The following KIAA0753 variants were observed in gnomAD, a reference collection of about 807,000 sequenced individuals.
KIAA0753 encodes the protein protein moonraker.
KIAA0753 carries 114 observed loss-of-function variants against 116.9 expected under a neutral mutation model. The observed-to-expected ratio is 0.98, with a 90% CI of 0.84 to 1.14. KIAA0753 has a LOEUF of 1.14. Ranked by LOEUF, KIAA0753 falls within the 50% of genes most tolerant of loss-of-function variation. The pLI is 0.00. For missense variants in KIAA0753, 1,156 were observed against 1,172.4 expected, an observed-to-expected ratio of 0.99 and a Z score of 0.20; for synonymous variants, 405 against 413.1, an observed-to-expected ratio of 0.98 and a Z score of 0.24.
chr17:6,586,323 C>G (rs549448507), intron 18 of KIAA0753, among the ~76,000 whole-genome samples: 39 of 152,292 alleles, frequency 2.6e-4, no homozygotes, highest in African/African-American at 9.1e-4. Context: ...GTATTTATAG[C>G]AATGCAAGAA....
chr17:6,604,408 C>T (rs561303467), intron 12 of KIAA0753, among the ~76,000 whole-genome samples: 37 of 152,042 alleles, frequency 2.4e-4, no homozygotes, highest in African/African-American at 8.7e-4. Flanking sequence ...TGAAGAGGTA[C>T]ATGGTTAAAC....
chr17:6,604,673 G>A (rs962796905), intron 12 of KIAA0753, among the ~76,000 whole-genome samples: 19 of 151,864 alleles, frequency 1.3e-4, no homozygotes, highest in Admixed American at 2.0e-4. Flanking sequence ...AGTGGGTGTG[G>A]CAACATGAGG....
intron 10 of KIAA0753, among the ~76,000 whole-genome samples, chr17:6,608,100 G>C (rs79405981): frequency 0.096 from 14,653 of 152,124 alleles, 1,500 homozygotes; most frequent in African/African-American, 0.26. Flanking sequence ...AAACTAGCAA[G>C]TGATATATAA....
At chr17:6,601,532 C>T (rs186989536) in intron 12 of KIAA0753, among the ~76,000 whole-genome samples, 1 of 152,276 alleles carries the variant, frequency 6.6e-6, no homozygotes, top group African/African-American at 2.4e-5. Flanking sequence ...GACCTAAAGA[C>T]CAACATAAGT....
rs1567585702 is a variant in KIAA0753, at chr17:6,628,257, G to A, written c.578C>T (p.Thr193Ile). The A allele has an allele frequency of 1.9e-6, 3 of 1,614,176 alleles. No homozygotes were observed. The highest frequency in any genetic ancestry group is 1.7e-6 in the Non-Finnish European group (2 of 1,180,036). ...ATGAGGCTGAAGTCCCGGATCATGGGTGGGTGGCGAATTTGGCACAGTAAG... is the reference window on the plus strand; with the variant it reads ...ATGAGGCTGAAGTCCCGGATCATGGATGGGTGGCGAATTTGGCACAGTAAG... ...SDLTVPNSPP[T>I]HDPGLQPHPR... The change falls in exon 3 of 19, where the codon ACC becomes ATC. Residue 193 changes from threonine to isoleucine, a missense_variant. Transcript: ENST00000361413.
At chr17:6,631,091 GAAAT>G (rs1244765767) in intron 2 of KIAA0753, among the ~76,000 whole-genome samples, 2 of 151,816 alleles carry the variant, frequency 1.3e-5, no homozygotes, top group Non-Finnish European at 2.9e-5. Context: ...CAGGAAGAAA[GAAAT>G]GAATGAATGA....
At chr17:6,616,583 G>A (rs879701758) in intron 7 of KIAA0753, among the ~76,000 whole-genome samples, 2 of 152,194 alleles carry the variant, frequency 1.3e-5, no homozygotes, top group Non-Finnish European at 2.9e-5. Context: ...CCAGCACTTT[G>A]GGAGGCCAAG....
At chr17:6,583,688 T>C (rs1468141334) in intron 18 of KIAA0753, among the ~76,000 whole-genome samples, 3 of 152,220 alleles carry the variant, frequency 2.0e-5, no homozygotes, top group Admixed American at 2.0e-4. Context: ...CATTCTAGAA[T>C]GTCCATTTGG....
chr17:6,592,420 T>C (rs943210125), intron 16 of KIAA0753, among the ~76,000 whole-genome samples: 1 of 152,202 alleles, frequency 6.6e-6, no homozygotes, highest in Non-Finnish European at 1.5e-5. Context: ...AACCACACTT[T>C]ACTCTCCTTT....
At chr17:6,609,346 C>G (rs188036302) in intron 9 of KIAA0753, among the ~76,000 whole-genome samples, 4 of 152,346 alleles carry the variant, frequency 2.6e-5, no homozygotes, top group Admixed American at 2.6e-4. Context: ...CAAACGAGCT[C>G]CCCTTTATCT....
At chr17:6,597,161 G>A (rs1159397375) in intron 14 of KIAA0753, among the ~76,000 whole-genome samples, 2 of 152,120 alleles carry the variant, frequency 1.3e-5, no homozygotes, top group African/African-American at 4.8e-5. Flanking sequence ...GAGACACTTA[G>A]CATAGTGCTC....
At chr17:6,610,510 C>CT (rs1567562661) in intron 8 of KIAA0753, among the ~76,000 whole-genome samples, 1 of 122,462 alleles carries the variant, frequency 8.2e-6, no homozygotes, top group Non-Finnish European at 1.7e-5. Context: ...TTTTTCTTTT[C>CT]TTTCTCTTTT....
intron 2 of KIAA0753, among the ~76,000 whole-genome samples, 154 bp from the exon 3 acceptor site, chr17:6,628,895 A>G (rs1971854542): frequency 6.6e-6 from 1 of 152,200 alleles, no homozygotes; most frequent in Non-Finnish European, 1.5e-5. Flanking sequence ...CCACGCTCCT[A>G]CACCCTTGGG....
chr17:6,623,790 G>A (rs542896770), intron 4 of KIAA0753: 17 of 460,306 alleles, frequency 3.7e-5, no homozygotes, highest in East Asian at 1.8e-4. Flanking sequence ...CCATCCCTTC[G>A]TCCCCAGTGT....
chr17:6,586,474 C>T (rs1328575397), intron 18 of KIAA0753, among the ~76,000 whole-genome samples: 1 of 152,188 alleles, frequency 6.6e-6, no homozygotes, highest in East Asian at 1.9e-4. Context: ...CCTGCTAAGT[C>T]AGTCACCATT....
At chr17:6,606,135 G>C (rs907196156) in intron 12 of KIAA0753, among the ~76,000 whole-genome samples, 1 of 152,142 alleles carries the variant, frequency 6.6e-6, no homozygotes, top group Non-Finnish European at 1.5e-5. Context: ...GCCTCAGTTG[G>C]GGGGAAAAGA....
intron 10 of KIAA0753, 49 bp from the exon 11 acceptor site, chr17:6,607,319 G>C: frequency 1.4e-6 from 2 of 1,453,012 alleles, no homozygotes; most frequent in East Asian, 4.5e-5. Flanking sequence ...GACACTGCAG[G>C]GTGTCATCAT....
At position 6,579,788 on chromosome 17, in the gene KIAA0753, C is replaced by T; in HGVS notation, c.2863G>A (p.Glu955Lys). The T allele has an allele frequency of 6.2e-7, 1 of 1,613,906 alleles. No homozygotes were observed. Among genetic ancestry groups the T allele is most frequent in the South Asian group, 1.1e-5 (1 of 91,082 alleles). Residue 955 changes from glutamate to lysine, a missense_variant, in exon 19 of 19, where the codon GAA becomes AAA. Transcript: ENST00000361413. ...AAGAATTCTGAGGTGAACACAGCTT[C>T]TGCATAATCTTCGCACATATCCTGA... The part of the protein sequence containing the change: ...ELQDMCEDYA[E>K]AVFTSEFLEA...
In KIAA0753 at chr17:6,606,861, G is replaced by A. The variant is rs776558048; in HGVS notation, c.2009+12C>T. The A allele has an allele frequency of 6.2e-7, 1 of 1,608,810 alleles. No homozygotes were observed. The highest frequency in any genetic ancestry group is 1.1e-5 in the South Asian group (1 of 90,974). On this transcript the variant is annotated intron_variant, in intron 12 of 18. Coordinates refer to ENST00000361413, the MANE Select transcript of KIAA0753 (RefSeq NM_014804.3). Reference sequence around the variant, plus strand: ...AAACATCCACTATTCTTCCTAAGAAGCAAACACATACCTCAATTGTTGGAG... The same window carrying A: ...AAACATCCACTATTCTTCCTAAGAAACAAACACATACCTCAATTGTTGGAG...
Sources: gnomAD v4.1 joint callset for allele counts (sites outside exome capture counted in the v4.1 genomes callset) on GRCh38, gnomAD v4.1.1 for gene constraint, MANE v1.5 for transcripts, NCBI Gene and HGNC (gene_info 2026-07-23, HGNC 2026-07-21) for gene names.